NF1: variants seen among roughly 807,000 people sequenced by gnomAD.
NF1 encodes neurofibromin 1.
In NF1, 122 loss-of-function variants were observed where a neutral mutation model predicts 325.7. That is an observed-to-expected ratio of 0.37 (90% CI 0.32 to 0.44). NF1 has a LOEUF of 0.44. Among genes scored for constraint, NF1 ranks in the 20% least tolerant of loss-of-function variants. The pLI is 1.00. For missense variants in NF1, 2,140 were observed against 3,415.4 expected (o/e 0.63, Z 9.31); for synonymous variants, 1,091 against 1,186.0 (o/e 0.92, Z 1.65).
At chr17:31,117,430 T>C (rs1335277403) in intron 1 of NF1, among the ~76,000 whole-genome samples, 1 of 151,028 alleles carries the variant, frequency 6.6e-6, no homozygotes, top group African/African-American at 2.4e-5. Flanking sequence ...CCCAGCACTT[T>C]GGGAGGCTGA....
chr17:31,337,839 A>G lies in NF1; in HGVS notation c.6663A>G (p.Pro2221=), dbSNP rs876660136. Residue 2221 remains proline (P), a synonymous_variant, in exon 44 of 58, where the codon CCA becomes CCG. Coordinates refer to ENST00000358273, the MANE Select transcript of NF1 (RefSeq NM_001042492.3). ...EIMEACMRDI[P]TCKWLDQWTE... is the part of the protein sequence containing the mutation. ...TTTAGGCATGCATGAGAGATATTCC[A>G]ACGTGCAAGTGGCTGGACCAGTGGA... The G allele has an allele frequency of 2.5e-6, 4 of 1,613,896 alleles. No homozygotes were observed. In the South Asian group the frequency reaches 3.3e-5, roughly 13 times the overall value.
At chr17:31,260,597 T>C in intron 34 of NF1, 82 bp downstream of exon 34, 1 of 1,473,334 alleles carries the variant, frequency 6.8e-7, no homozygotes, top group South Asian at 1.1e-5. Flanking sequence ...GAATAGTGCT[T>C]TTTACTTTGC....
intron 36 of NF1, among the ~76,000 whole-genome samples, chr17:31,302,520 A>T (rs573667228): frequency 1.3e-5 from 2 of 152,274 alleles, no homozygotes; most frequent in African/African-American, 4.8e-5. Flanking sequence ...TCAACTCCAG[A>T]TTGCTGCTGG....
At chr17:31,351,502 C>T (rs1037816152) in intron 50 of NF1, among the ~76,000 whole-genome samples, 71 of 152,082 alleles carry the variant, frequency 4.7e-4, no homozygotes, top group African/African-American at 1.7e-3. Flanking sequence ...CTACAACCTC[C>T]GCCTCCTGGG....
chr17:31,362,680 G>T (rs1412650354), intron 57 of NF1, among the ~76,000 whole-genome samples: 1 of 152,120 alleles, frequency 6.6e-6, no homozygotes, highest in Non-Finnish European at 1.5e-5. Flanking sequence ...TTAAAAGTCT[G>T]CTTCATCTTA....
intron 46 of NF1, 23 bp downstream of exon 46, chr17:31,338,828 G>T: frequency 1.4e-6 from 2 of 1,425,758 alleles, no homozygotes; most frequent in South Asian, 1.1e-5. Flanking sequence ...TAGAAAATGA[G>T]TGCATTCATT....
At chr17:31,175,887 G>A (rs1487008825) in intron 5 of NF1, among the ~76,000 whole-genome samples, 1 of 152,226 alleles carries the variant, frequency 6.6e-6, no homozygotes, top group African/African-American at 2.4e-5. Context: ...ATTCTGTGGT[G>A]TATATGTGCC....
rs755592420 is a variant in NF1, at chr17:31,331,904, T to TAAAAAAAAAAAAAAAAA, written c.5812+1425_5812+1441dup. Reference sequence around the variant, plus strand: ...ATGATAGAGTGAGACCCTTCTCTATTAAAAAAAAAAAAAAAAAAAAAAAAA... The same window carrying TAAAAAAAAAAAAAAAAA: ...ATGATAGAGTGAGACCCTTCTCTATTAAAAAAAAAAAAAAAAAAAAAAAAAAAAAAAAAAAAAAAAAA... On this transcript the variant is annotated intron_variant, in intron 39 of 57. Coordinates refer to ENST00000358273, the MANE Select transcript of NF1 (RefSeq NM_001042492.3). The TAAAAAAAAAAAAAAAAA allele has an allele frequency of 9.3e-5, 4 of 42,882 alleles. 1 individual carries two copies. Among genetic ancestry groups the TAAAAAAAAAAAAAAAAA allele is most frequent in the African/African-American group, 5.2e-4 (4 of 7,748 alleles). The allele number at this position is 42,882 out of a possible 1,614,324, so 2.7% of individuals were successfully genotyped here. A position where few individuals can be genotyped will look rare whatever the true frequency, so the allele number is the denominator to read the frequency against.
At chr17:31,302,260 G>A (rs1442180975) in intron 36 of NF1, among the ~76,000 whole-genome samples, 1 of 152,144 alleles carries the variant, frequency 6.6e-6, no homozygotes, top group Admixed American at 6.5e-5. Flanking sequence ...ACAACACTGT[G>A]GTCAGCTAAT....
Position 31,159,046 on chromosome 17 carries a change from C to A in NF1, c.241C>A (p.Leu81Ile), listed in dbSNP as rs587782772. 1.2e-5 allele frequency: 19 copies of A among 1,608,056 alleles called. No individual in the cohort carries two copies. The highest frequency in any genetic ancestry group is 1.7e-5 in the Admixed American group (1 of 59,984). Reference sequence around the variant, plus strand: ...AGAAGCTGCTGAAAAAAATTTATATCTCTCTCAGTTGATTATATTGGATAC... The same window carrying A: ...AGAAGCTGCTGAAAAAAATTTATATATCTCTCAGTTGATTATATTGGATAC... ...FGEAAEKNLY[L>I]SQLIILDTLE... Residue 81 changes from leucine (L) to isoleucine (I), a missense_variant, in exon 3 of 58, where the codon CTC becomes ATC. By Grantham distance (5) the Leu-to-Ile change is conservative. Around this residue, in one of 10 missense-constraint regions of NF1, gnomAD observed 246 missense variants for 347.8 expected, o/e 0.71. Transcript: ENST00000358273.
chr17:31,286,633 T>C (rs574070620), intron 36 of NF1, among the ~76,000 whole-genome samples: 1 of 152,328 alleles, frequency 6.6e-6, no homozygotes, highest in South Asian at 2.1e-4. Context: ...CTTTCTTAGA[T>C]TATTTGTCAT....
chr17:31,371,965 T>C (rs527534453), intron 57 of NF1, among the ~76,000 whole-genome samples: 1 of 152,328 alleles, frequency 6.6e-6, no homozygotes, highest in Admixed American at 6.5e-5. Flanking sequence ...GATGAGTGGC[T>C]CCTAGAGGGA....
chr17:31,133,968 C>A (rs1318742277), intron 1 of NF1, among the ~76,000 whole-genome samples: 1 of 152,070 alleles, frequency 6.6e-6, no homozygotes. Flanking sequence ...TATTTCATGT[C>A]TCTTTTTGAT....
At chr17:31,342,324 G>A (rs1462110990) in intron 47 of NF1, among the ~76,000 whole-genome samples, 7 of 152,144 alleles carry the variant, frequency 4.6e-5, no homozygotes, top group African/African-American at 1.7e-4. Context: ...TTGGCCGGGT[G>A]CAATGGCGCA....
At chr17:31,095,990 AC>A (rs1911669739) in intron 1 of NF1, among the ~76,000 whole-genome samples, 1 of 151,052 alleles carries the variant, frequency 6.6e-6, no homozygotes. Context: ...TCAAGTGCAC[AC>A]TCACTGCACA....
chr17:31,244,813 C>CT (rs1567856462), intron 29 of NF1, among the ~76,000 whole-genome samples: 1 of 152,074 alleles, frequency 6.6e-6, no homozygotes, highest in Non-Finnish European at 1.5e-5. Flanking sequence ...TATGAAGGTG[C>CT]TTTTTTGTAT....
intron 36 of NF1, among the ~76,000 whole-genome samples, chr17:31,275,914 A>G (rs965027818): frequency 5.4e-4 from 82 of 152,308 alleles, no homozygotes; most frequent in African/African-American, 1.9e-3. Context: ...AATAGGACAC[A>G]GGGCCAGTTA....
chr17:31,257,156 G>C (rs1305449992), intron 31 of NF1, among the ~76,000 whole-genome samples: 1 of 152,014 alleles, frequency 6.6e-6, no homozygotes, highest in Non-Finnish European at 1.5e-5. Context: ...ATTTATTGAA[G>C]CATTGTGAAA....
rs181760753 is a variant in NF1, at chr17:31,193,551, G to T, written c.889-6871G>T. 9.2e-5 allele frequency among the ~76,000 whole-genome samples: 14 copies of T among 152,160 alleles called. 2 individuals carry two copies. The highest frequency in any genetic ancestry group is 3.4e-4 in the African/African-American group (14 of 41,514). On this transcript the variant is annotated intron_variant, in intron 8 of 57. Transcript: ENST00000358273. Reference sequence around the variant, plus strand: ...TTAAAAAATTAACGTTATTGCAAAGGAAACAATTGGCAGAGTGAAAAGACA... The same window carrying T: ...TTAAAAAATTAACGTTATTGCAAAGTAAACAATTGGCAGAGTGAAAAGACA...
Sources: allele counts gnomAD v4.1 joint callset (sites outside exome capture counted in the v4.1 genomes callset), GRCh38; gene constraint gnomAD v4.1.1; regional missense constraint gnomAD v4.1.1; transcripts MANE v1.5; gene names NCBI Gene and HGNC (gene_info 2026-07-23, HGNC 2026-07-21).